Variants in IGF2BP2 observed in about 807,000 individuals in gnomAD.
IGF2BP2 encodes the protein insulin like growth factor 2 mRNA binding protein 2, also known as insulin-like growth factor 2 mRNA-binding protein 2.
In IGF2BP2, 17 loss-of-function variants were observed where a neutral mutation model predicts 75.8. That is an observed-to-expected ratio of 0.22 (90% confidence interval 0.15 to 0.34). The LOEUF (loss-of-function observed/expected upper bound fraction) is 0.34, where lower values mean the gene tolerates loss of function less well. Ranked by LOEUF, IGF2BP2 falls within the 10% of genes least tolerant of loss-of-function variation. The probability of loss-of-function intolerance (pLI) is 1.00; values close to 1 mark genes in which losing one functional copy is unlikely to be tolerated. For missense variants in IGF2BP2, 516 were observed against 772.4 expected (o/e 0.67, Z 3.93); for synonymous variants, 288 against 295.6 (o/e 0.97, Z 0.26).
intron 3 of IGF2BP2, among the ~76,000 whole-genome samples, chr3:185,697,881 C>G (rs1722787751): frequency 6.6e-6 from 1 of 151,970 alleles, no homozygotes; most frequent in Non-Finnish European, 1.5e-5. Context: ...ACTCAGGAGG[C>G]TGGGGTGGGA....
chr3:185,751,586 G>A (rs1010825908), intron 2 of IGF2BP2, among the ~76,000 whole-genome samples: 2 of 150,758 alleles, frequency 1.3e-5, no homozygotes, highest in Non-Finnish European at 2.9e-5. Context: ...CGGAGGTTGT[G>A]GTAAGCCAAG....
intron 2 of IGF2BP2, among the ~76,000 whole-genome samples, chr3:185,800,151 A>G (rs533090925): frequency 2.6e-5 from 4 of 152,278 alleles, no homozygotes; most frequent in Admixed American, 1.3e-4. Flanking sequence ...GCTGGAAACC[A>G]TCACTCTCAG....
chr3:185,675,690 T>C (rs1376887118), intron 8 of IGF2BP2, 101 bp downstream of exon 8: 28 of 1,407,674 alleles, frequency 2.0e-5, no homozygotes, highest in Middle Eastern at 2.6e-4. Context: ...TCACTTATGA[T>C]TATATTCCCA....
At chr3:185,774,594 C>CA (rs10688098) in intron 2 of IGF2BP2, among the ~76,000 whole-genome samples, 21,788 of 128,866 alleles carry the variant, frequency 0.17, 2,737 homozygotes, top group African/African-American at 0.36. Context: ...GACTCTGTCT[C>CA]AAAAAAAAAA....
At chr3:185,761,198 A>G (rs1159267167) in intron 2 of IGF2BP2, among the ~76,000 whole-genome samples, 1 of 152,204 alleles carries the variant, frequency 6.6e-6, no homozygotes, top group African/African-American at 2.4e-5. Flanking sequence ...AGAAAAAGAA[A>G]TGCCTCAAAG....
chr3:185,680,668 G>A (rs1211379199), intron 7 of IGF2BP2, among the ~76,000 whole-genome samples: 2 of 152,220 alleles, frequency 1.3e-5, no homozygotes, highest in Admixed American at 6.5e-5. Context: ...GGGGAGCTGG[G>A]CGCAGTGGCT....
At chr3:185,650,676 C>T (rs951573337) in intron 13 of IGF2BP2, among the ~76,000 whole-genome samples, 2 of 145,674 alleles carry the variant, frequency 1.4e-5, no homozygotes, top group African/African-American at 5.1e-5. Context: ...GACTCCGTCT[C>T]AAAAAAATAA....
intron 2 of IGF2BP2, among the ~76,000 whole-genome samples, chr3:185,790,479 T>C (rs770329754): frequency 2.0e-5 from 3 of 152,322 alleles, no homozygotes; most frequent in Non-Finnish European, 2.9e-5. Context: ...ATTATACTAA[T>C]CTATGGAAAG....
chr3:185,768,455 A>C (rs1733393307), intron 2 of IGF2BP2, among the ~76,000 whole-genome samples: 1 of 152,220 alleles, frequency 6.6e-6, no homozygotes, highest in Non-Finnish European at 1.5e-5. Context: ...GAATATGATA[A>C]TGATAAAGAA....
intron 7 of IGF2BP2, among the ~76,000 whole-genome samples, chr3:185,685,281 G>A (rs1720961129): frequency 6.6e-6 from 1 of 151,954 alleles, no homozygotes; most frequent in Non-Finnish European, 1.5e-5. Flanking sequence ...CCGGGAGACG[G>A]GAGGTTGCAG....
chr3:185,758,737 C>A (rs1407123129), intron 2 of IGF2BP2, among the ~76,000 whole-genome samples: 2 of 152,176 alleles, frequency 1.3e-5, no homozygotes, highest in African/African-American at 4.8e-5. Flanking sequence ...TCACTAAAGG[C>A]TAGGTAATGT....
intron 10 of IGF2BP2, among the ~76,000 whole-genome samples, chr3:185,668,980 T>A (rs559411350): frequency 6.6e-6 from 1 of 152,210 alleles, no homozygotes; most frequent in East Asian, 1.9e-4. Flanking sequence ...GAACCTAAGC[T>A]ATAACTGAGG....
At chr3:185,778,420 C>CT (rs1560455964) in intron 2 of IGF2BP2, among the ~76,000 whole-genome samples, 1 of 152,186 alleles carries the variant, frequency 6.6e-6, no homozygotes, top group African/African-American at 2.4e-5. Flanking sequence ...CAGGAGTCAA[C>CT]TTTTTTCTCA....
At chr3:185,662,102 C>CATTCAGTG (rs1305927460) in intron 10 of IGF2BP2, among the ~76,000 whole-genome samples, 1 of 152,076 alleles carries the variant, frequency 6.6e-6, no homozygotes, top group Non-Finnish European at 1.5e-5. Context: ...TGCTATGTGG[C>CATTCAGTG]ATTCAGTGAG....
At chr3:185,741,363 T>C (rs1354218714) in intron 2 of IGF2BP2, among the ~76,000 whole-genome samples, 1 of 152,222 alleles carries the variant, frequency 6.6e-6, no homozygotes, top group Admixed American at 6.5e-5. Context: ...AAGTACAATT[T>C]TGAAGCTACT....
intron 2 of IGF2BP2, among the ~76,000 whole-genome samples, chr3:185,720,114 C>A (rs1726285197): frequency 1.3e-5 from 2 of 152,204 alleles, no homozygotes; most frequent in Admixed American, 6.5e-5. Context: ...GAGCGTAAAG[C>A]AGTGCATTGA....
intron 10 of IGF2BP2, among the ~76,000 whole-genome samples, chr3:185,663,120 C>T (rs1474559668): frequency 6.6e-6 from 1 of 152,208 alleles, no homozygotes; most frequent in African/African-American, 2.4e-5. Context: ...AGGTTGTAGT[C>T]ATCTGACATC....
chr3:185,668,868 G>C (rs969561766), intron 10 of IGF2BP2, among the ~76,000 whole-genome samples: 1 of 152,004 alleles, frequency 6.6e-6, no homozygotes, highest in Admixed American at 6.6e-5. Context: ...CCCTAATGTA[G>C]GTACTATTAT....
At chr3:185,749,377 C>G (rs1730669038) in intron 2 of IGF2BP2, among the ~76,000 whole-genome samples, 1 of 152,168 alleles carries the variant, frequency 6.6e-6, no homozygotes, top group Non-Finnish European at 1.5e-5. Flanking sequence ...ATTCAACTCA[C>G]TTAGAGGAAT....
Sources: allele counts gnomAD v4.1 joint callset (sites outside exome capture counted in the v4.1 genomes callset), GRCh38; gene constraint gnomAD v4.1.1; transcripts MANE v1.5; gene names NCBI Gene and HGNC (gene_info 2026-07-23, HGNC 2026-07-21).